Variants in WASF1 observed in about 807,000 individuals in gnomAD.
WASF1 encodes the protein actin-binding protein WASF1.
WASF1 carries 7 observed loss-of-function variants against 50.5 expected under a neutral mutation model. The ratio of observed to expected loss-of-function variants is 0.14; its 90% CI spans 0.08 to 0.26. WASF1 has a LOEUF of 0.26. Ranked by LOEUF, WASF1 falls within the 10% of genes least tolerant of loss-of-function variation. The pLI, the probability that WASF1 is intolerant of heterozygous loss-of-function variation, is 1.00. For missense variants in WASF1, 470 were observed against 694.7 expected, an observed-to-expected ratio of 0.68 and a Z score of 3.64; for synonymous variants, 205 against 244.0, an observed-to-expected ratio of 0.84 and a Z score of 1.49.
rs1562170286 is a variant in WASF1, at chr6:110,124,235, C to CCCCTCTCTCT, written c.133+3233_133+3234insAGAGAGAGGG. Among the ~76,000 whole-genome samples the CCCCTCTCTCT allele has an allele frequency of 1.8e-4, 2 of 11,028 alleles. 1 individual carries two copies. Among genetic ancestry groups the CCCCTCTCTCT allele is most frequent in the African/African-American group, 6.0e-4 (2 of 3,310 alleles). The allele number at this position is 11,028 out of a possible 152,430, so 7.2% of individuals were successfully genotyped here. On this transcript the variant is annotated intron_variant, in intron 4 of 10. Coordinates refer to ENST00000392589, the MANE Select transcript of WASF1 (RefSeq NM_003931.3). ...TCTCTCTCCTCTCTCTCCTCTCTCTCCTCTCTCTCTCTCTCTCTCTCTCTC... is the reference window on the plus strand; with the variant it reads ...TCTCTCTCCTCTCTCTCCTCTCTCTCCCCTCTCTCTCTCTCTCTCTCTCTCTCTCTCTCTC...
At chr6:110,124,274 C>CTCTCTCTCTCTCTCTATATA (rs1331534646) in intron 4 of WASF1, among the ~76,000 whole-genome samples, 1 of 20,516 alleles carries the variant, frequency 4.9e-5, no homozygotes, top group Non-Finnish European at 7.6e-5. Flanking sequence ...CTCTCTCTCT[C>CTCTCTCTCTCTCTCTATATA]TATATATATA....
chr6:110,159,234 A>G (rs1202064681), intron 3 of WASF1, among the ~76,000 whole-genome samples: 1 of 151,968 alleles, frequency 6.6e-6, no homozygotes, highest in Non-Finnish European at 1.5e-5. Flanking sequence ...AAGAAAAAAG[A>G]GCAAATAAGT....
At chr6:110,112,882 G>C (rs1223460358) in intron 5 of WASF1, among the ~76,000 whole-genome samples, 1 of 142,446 alleles carries the variant, frequency 7.0e-6, no homozygotes, top group Non-Finnish European at 1.5e-5. Context: ...CCTAGTGACA[G>C]AGTGTCTGTC....
intron 6 of WASF1, among the ~76,000 whole-genome samples, chr6:110,108,108 A>C (rs1388465783): frequency 8.0e-6 from 1 of 125,036 alleles, no homozygotes; most frequent in African/African-American, 3.0e-5. Context: ...GCTTGCAGTA[A>C]GCCTAGGTGA....
chr6:110,100,863 G>A (rs1170008733), intron 10 of WASF1, among the ~76,000 whole-genome samples, 184 bp from the exon 11 acceptor site: 1 of 152,136 alleles, frequency 6.6e-6, no homozygotes, highest in Non-Finnish European at 1.5e-5. Flanking sequence ...TGTGTTATTA[G>A]TTGGTAAAAC....
chr6:110,109,882 T>C (rs1773484242), intron 5 of WASF1, among the ~76,000 whole-genome samples: 1 of 151,950 alleles, frequency 6.6e-6, no homozygotes, highest in Admixed American at 6.6e-5. Flanking sequence ...GTTATCCTTC[T>C]CCTTAAAATA....
intron 3 of WASF1, among the ~76,000 whole-genome samples, chr6:110,154,851 C>T (rs1180949234): frequency 6.6e-6 from 1 of 151,986 alleles, no homozygotes; most frequent in East Asian, 1.9e-4. Context: ...AATTGAAATG[C>T]AAAGACTAAA....
intron 3 of WASF1, among the ~76,000 whole-genome samples, chr6:110,142,392 TTC>T (rs1281041466): frequency 2.0e-5 from 3 of 152,164 alleles, no homozygotes; most frequent in African/African-American, 7.2e-5. Context: ...TCCTCATCCT[TTC>T]TTTTTACTTC....
chr6:110,150,441 C>T (rs926412669), intron 3 of WASF1, among the ~76,000 whole-genome samples: 1 of 152,134 alleles, frequency 6.6e-6, no homozygotes, highest in Non-Finnish European at 1.5e-5. Flanking sequence ...CCACAAGTTG[C>T]TAAATTAAAA....
At chr6:110,129,228 A>C (rs756593163) in intron 3 of WASF1, among the ~76,000 whole-genome samples, 1 of 152,198 alleles carries the variant, frequency 6.6e-6, no homozygotes, top group Non-Finnish European at 1.5e-5. Context: ...TCCCAGTGCT[A>C]AGTCTACATG....
chr6:110,146,504 G>T (rs1367165640), intron 3 of WASF1, among the ~76,000 whole-genome samples: 2 of 151,396 alleles, frequency 1.3e-5, no homozygotes, highest in Non-Finnish European at 1.5e-5. Flanking sequence ...AATGCATGAA[G>T]AACTGTACAT....
intron 2 of WASF1, among the ~76,000 whole-genome samples, chr6:110,160,943 A>C (rs980060985): frequency 2.6e-5 from 4 of 151,536 alleles, no homozygotes; most frequent in African/African-American, 9.7e-5. Context: ...ACCAATTATG[A>C]ATTTGAAATT....
intron 2 of WASF1, among the ~76,000 whole-genome samples, chr6:110,175,349 A>G (rs1361643667): frequency 1.3e-5 from 2 of 152,140 alleles, no homozygotes; most frequent in Admixed American, 6.6e-5. Flanking sequence ...TTAAAAATTA[A>G]AACAAACAAA....
chr6:110,127,198 T>C (rs6937364), intron 4 of WASF1, among the ~76,000 whole-genome samples: 11,128 of 152,212 alleles, frequency 0.073, 558 homozygotes, highest in African/African-American at 0.14. Context: ...TCGCAGATTA[T>C]ATATTTTTAA....
chr6:110,144,233 A>G (rs1024977973), intron 3 of WASF1, among the ~76,000 whole-genome samples: 3 of 152,092 alleles, frequency 2.0e-5, no homozygotes, highest in Admixed American at 2.0e-4. Flanking sequence ...GCTTTTTTTC[A>G]TATATTTCTT....
chr6:110,110,295 A>G (rs1773499569), intron 5 of WASF1, among the ~76,000 whole-genome samples: 1 of 152,232 alleles, frequency 6.6e-6, no homozygotes, highest in African/African-American at 2.4e-5. Context: ...CCAGAACAGA[A>G]AAGTCAGATC....
Position 110,101,793 on chromosome 6 carries a change from T to C in WASF1, c.1317A>G (p.Pro439=), listed in dbSNP as rs139179940. 2.5e-5 allele frequency: 40 copies of C among 1,614,064 alleles called. No homozygotes were observed. The highest frequency in any genetic ancestry group is 2.1e-4 in the African/African-American group (16 of 75,026). The change falls in exon 10 of 11, where the codon CCA becomes CCG. Residue 439 remains proline, a synonymous_variant. Transcript: ENST00000392589. ...GAGCTGTAACTGTGACAGGTGATGA[T>C]GGTCGAATGCCAGGTGGAGGCAGAG... ...PPPLPPPGIR[P]SSPVTVTALA...
intron 3 of WASF1, among the ~76,000 whole-genome samples, chr6:110,151,883 T>C (rs570389404): frequency 6.6e-6 from 1 of 152,120 alleles, no homozygotes; most frequent in Non-Finnish European, 1.5e-5. Flanking sequence ...TCAACTTACA[T>C]CTTATTTGGG....
At chr6:110,112,617 C>T (rs145454646) in intron 5 of WASF1, among the ~76,000 whole-genome samples, 59 of 152,214 alleles carry the variant, frequency 3.9e-4, no homozygotes, top group Middle Eastern at 6.8e-3. Flanking sequence ...AAAGCAGTTA[C>T]ATAGCCAGGT....
Sources: gnomAD v4.1 joint callset for allele counts (sites outside exome capture counted in the v4.1 genomes callset) on GRCh38, gnomAD v4.1.1 for gene constraint, MANE v1.5 for transcripts, NCBI Gene and HGNC (gene_info 2026-07-23, HGNC 2026-07-21) for gene names.